Variants in ULK4 observed in about 807,000 individuals in gnomAD.
The protein encoded by ULK4 is unc-51 like kinase 4, also known as inactive serine/threonine-protein kinase ULK4.
A neutral mutation model predicts 160.6 loss-of-function variants in ULK4; 133 were observed. The observed-to-expected ratio is 0.83, with a 90% confidence interval of 0.72 to 0.96. The LOEUF (loss-of-function observed/expected upper bound fraction) is 0.96. ULK4 is among the 40% of genes least tolerant of loss of function. ULK4 has a pLI of 0.00. For synonymous variants in ULK4, 534 were observed against 539.8 expected (o/e 0.99, Z 0.15); for missense variants, 1,580 against 1,499.5 (o/e 1.05, Z -0.89).
chr3:41,878,079 A>C (rs2125698568), intron 17 of ULK4, among the ~76,000 whole-genome samples: 1 of 124,070 alleles, frequency 8.1e-6, no homozygotes, highest in African/African-American at 3.1e-5. Flanking sequence ...AAGCTCTACC[A>C]GGAAAAAAAA....
intron 35 of ULK4, among the ~76,000 whole-genome samples, chr3:41,373,457 A>T (rs1463505159): frequency 6.6e-6 from 1 of 152,246 alleles, no homozygotes; most frequent in East Asian, 1.9e-4. Flanking sequence ...CAGTACAATC[A>T]AATTAGAAAT....
chr3:41,720,610 C>T (rs2037415509), intron 22 of ULK4, among the ~76,000 whole-genome samples: 3 of 151,914 alleles, frequency 2.0e-5, no homozygotes, highest in Middle Eastern at 3.4e-3. Flanking sequence ...TAAGAGAAGG[C>T]AGTACACATA....
intron 32 of ULK4, among the ~76,000 whole-genome samples, chr3:41,523,270 A>G (rs117464550): frequency 2.4e-3 from 361 of 152,294 alleles, no homozygotes; most frequent in East Asian, 0.013. Flanking sequence ...TGTCTTACAC[A>G]TATTAGGTTC....
At chr3:41,643,674 G>A (rs2034343313) in intron 30 of ULK4, among the ~76,000 whole-genome samples, 1 of 151,956 alleles carries the variant, frequency 6.6e-6, no homozygotes. Flanking sequence ...CGGTGATGCA[G>A]GCTCTTTTTT....
chr3:41,846,222 A>G (rs946519748), intron 17 of ULK4, among the ~76,000 whole-genome samples: 1 of 152,144 alleles, frequency 6.6e-6, no homozygotes, highest in Admixed American at 6.5e-5. Flanking sequence ...ATTTGTATAG[A>G]TTTTCCATTT....
At chr3:41,749,191 A>G (rs2038527974) in intron 22 of ULK4, among the ~76,000 whole-genome samples, 1 of 152,238 alleles carries the variant, frequency 6.6e-6, no homozygotes, top group Admixed American at 6.5e-5. Context: ...ATTATAAAAC[A>G]GGCTTTGTGG....
intron 5 of ULK4, among the ~76,000 whole-genome samples, chr3:41,920,196 T>C (rs376161976): frequency 6.6e-6 from 1 of 152,168 alleles, no homozygotes; most frequent in Non-Finnish European, 1.5e-5. Context: ...GAAGCTCTGA[T>C]CCTCATAGTC....
At chr3:41,823,385 G>A (rs2041216917) in intron 18 of ULK4, among the ~76,000 whole-genome samples, 2 of 152,108 alleles carry the variant, frequency 1.3e-5, no homozygotes, top group Non-Finnish European at 2.9e-5. Context: ...GGGCCCAGAA[G>A]GTAATTACAG....
At chr3:41,253,934 T>A (rs982297164) in intron 35 of ULK4, among the ~76,000 whole-genome samples, 1 of 152,216 alleles carries the variant, frequency 6.6e-6, no homozygotes. Context: ...AAGGGTTTTG[T>A]AACCAAGAAG....
intron 17 of ULK4, among the ~76,000 whole-genome samples, chr3:41,861,543 C>A (rs2042496799): frequency 6.6e-6 from 1 of 151,614 alleles, no homozygotes; most frequent in Non-Finnish European, 1.5e-5. Context: ...TATGTTATTT[C>A]TTTCTTTTCT....
chr3:41,794,037 G>A (rs2040223606), intron 20 of ULK4, among the ~76,000 whole-genome samples: 1 of 152,202 alleles, frequency 6.6e-6, no homozygotes, highest in African/African-American at 2.4e-5. Context: ...GGACTCTCGT[G>A]CAGTAAGTCT....
intron 17 of ULK4, among the ~76,000 whole-genome samples, chr3:41,874,775 T>G (rs1697238270): frequency 6.6e-6 from 1 of 152,186 alleles, no homozygotes. Context: ...AGGTGACCAG[T>G]GCACTAAAAT....
At chr3:41,455,433 G>A in intron 34 of ULK4, 64 bp downstream of exon 34, 2 of 1,440,344 alleles carry the variant, frequency 1.4e-6, no homozygotes, top group Non-Finnish European at 1.9e-6. Flanking sequence ...AAGAGATCAG[G>A]AAATTCAAAT....
chr3:41,944,371 T>C (rs945499643), intron 2 of ULK4, among the ~76,000 whole-genome samples: 12 of 152,120 alleles, frequency 7.9e-5, no homozygotes, highest in African/African-American at 2.9e-4. Flanking sequence ...ATCCAAGAGG[T>C]GGAGGTTGCA....
chr3:41,533,963 A>G (rs56784738), intron 32 of ULK4, among the ~76,000 whole-genome samples: 5,494 of 151,916 alleles, frequency 0.036, 323 homozygotes, highest in African/African-American at 0.13. Context: ...GCCCGCCACC[A>G]CGCCCGGCTA....
chr3:41,577,121 T>C (rs548858264), intron 31 of ULK4, among the ~76,000 whole-genome samples: 199 of 152,288 alleles, frequency 1.3e-3, no homozygotes, highest in African/African-American at 4.4e-3. Context: ...AGGAAAAATA[T>C]TTCAGTGGGA....
At chr3:41,580,550 C>T (rs549961774) in intron 31 of ULK4, among the ~76,000 whole-genome samples, 12 of 152,132 alleles carry the variant, frequency 7.9e-5, no homozygotes, top group East Asian at 3.9e-4. Flanking sequence ...CTCTGAACCA[C>T]GGCATCCAAA....
At chr3:41,501,433 G>A (rs1283018008) in intron 32 of ULK4, among the ~76,000 whole-genome samples, 3 of 152,136 alleles carry the variant, frequency 2.0e-5, no homozygotes, top group Admixed American at 6.5e-5. Flanking sequence ...AGGAGGCGGC[G>A]CTTGCAGTGA....
intron 32 of ULK4, among the ~76,000 whole-genome samples, chr3:41,544,814 A>C (rs1374445433): frequency 6.6e-6 from 1 of 152,118 alleles, no homozygotes; most frequent in Non-Finnish European, 1.5e-5. Context: ...TGAAATTTTT[A>C]GTCGGGGGTT....
Sources: allele counts gnomAD v4.1 joint callset (sites outside exome capture counted in the v4.1 genomes callset), GRCh38; gene constraint gnomAD v4.1.1; transcripts MANE v1.5; gene names NCBI Gene and HGNC (gene_info 2026-07-23, HGNC 2026-07-21).